RAD23B: variants seen among roughly 807,000 people sequenced by gnomAD.
RAD23B encodes lysine-specific demethylase RAD23B.
A neutral mutation model predicts 49.1 loss-of-function variants in RAD23B; 5 were observed. The ratio of observed to expected loss-of-function variants is 0.10; its 90% CI spans 0.05 to 0.21. The LOEUF (loss-of-function observed/expected upper bound fraction) is 0.21, where lower values mean the gene tolerates loss of function less well. Ranked by LOEUF, RAD23B falls within the 10% of genes least tolerant of loss-of-function variation. The pLI, the probability that RAD23B is intolerant of heterozygous loss-of-function variation, is 1.00. For synonymous variants in RAD23B, 184 were observed against 165.4 expected, an observed-to-expected ratio of 1.11 and a Z score of -0.86; for missense variants, 356 against 486.7, an observed-to-expected ratio of 0.73 and a Z score of 2.53.
chr9:107,304,935 A>ATAT (rs892700202), intron 3 of RAD23B, among the ~76,000 whole-genome samples: 1 of 152,214 alleles, frequency 6.6e-6, no homozygotes, highest in Non-Finnish European at 1.5e-5. Context: ...CAGTGGATTA[A>ATAT]TACATGTTTT....
At chr9:107,319,923 G>A (rs1380784852) in intron 6 of RAD23B, among the ~76,000 whole-genome samples, 6 of 152,194 alleles carry the variant, frequency 3.9e-5, no homozygotes, top group South Asian at 2.1e-4. Context: ...CTGGTGTTTT[G>A]GAGTATTATC....
At chr9:107,299,025 G>A (rs1162951783) in intron 1 of RAD23B, among the ~76,000 whole-genome samples, 1 of 152,058 alleles carries the variant, frequency 6.6e-6, no homozygotes, top group Non-Finnish European at 1.5e-5. Context: ...ACTCTGCTTG[G>A]AGTCATAAGG....
At chr9:107,328,157 C>A (rs1458544359) in intron 9 of RAD23B, among the ~76,000 whole-genome samples, 1 of 152,084 alleles carries the variant, frequency 6.6e-6, no homozygotes, top group African/African-American at 2.4e-5. Context: ...TGGATAAAAC[C>A]CAGATAACAA....
chr9:107,326,334 AGCCAGGCGTGATGGTGGGC>A (rs111782503), intron 9 of RAD23B, among the ~76,000 whole-genome samples: 3,091 of 151,938 alleles, frequency 0.02, 90 homozygotes, highest in African/African-American at 0.068. Context: ...AAAAAAAATT[AGCCAGGCGTGATGGTGGGC>A]GCCTGTAGTC....
intron 9 of RAD23B, among the ~76,000 whole-genome samples, chr9:107,326,829 G>A (rs183582595): frequency 6.6e-6 from 1 of 151,512 alleles, no homozygotes; most frequent in East Asian, 2.0e-4. Flanking sequence ...TAGTAGAGAC[G>A]GGGTTTCAAC....
chr9:107,327,435 AG>A (rs1224163819), intron 9 of RAD23B, among the ~76,000 whole-genome samples: 1 of 152,098 alleles, frequency 6.6e-6, no homozygotes, highest in Non-Finnish European at 1.5e-5. Flanking sequence ...TTTATGCTAT[AG>A]TAGCATCCCA....
Position 107,308,353 on chromosome 9 carries a change from G to A in RAD23B, c.497+1706G>A, listed in dbSNP as rs532399665. Among the ~76,000 whole-genome samples the A allele has an allele frequency of 1.2e-4, 18 of 151,990 alleles. No homozygotes were observed. The South Asian group carries it at 3.5e-3, about 30-fold the overall frequency. ...CCTGTCTCAGCCTCCTGAGTAGCTG[G>A]GATTACAGGCGCATGGCACCATGCC... On this transcript the variant is annotated intron_variant, in intron 4 of 9. Transcript: ENST00000358015.
At chr9:107,294,083 A>G in intron 1 of RAD23B, among the ~76,000 whole-genome samples, 1 of 152,250 alleles carries the variant, frequency 6.6e-6, no homozygotes, top group East Asian at 1.9e-4. Context: ...TGCCACAGAG[A>G]TGCACGGTAG....
intron 7 of RAD23B, among the ~76,000 whole-genome samples, chr9:107,323,408 T>G (rs1251742828): frequency 6.6e-6 from 1 of 152,198 alleles, no homozygotes; most frequent in Non-Finnish European, 1.5e-5. Context: ...TTTAAATATC[T>G]TTTTCTTCTT....
rs1827294181 is a variant in RAD23B, at chr9:107,330,935, G to A, written c.*1279G>A. The A allele has an allele frequency of 6.6e-6, 1 of 152,606 alleles. No homozygotes were observed. The highest frequency in any genetic ancestry group is 2.1e-4 in the South Asian group (1 of 4,834). The allele number at this position is 152,606 out of a possible 1,614,324, so 9.5% of individuals were successfully genotyped here. ...GGATTTTTTCATCTCAGTTTTTTCT[G>A]TGGAATCTCCTTCATTGGCATTGTT... On this transcript the variant is annotated 3_prime_UTR_variant, in exon 10 of 10. Transcript: ENST00000358015. This position sits in a 1 kb window ranked among gnomAD's most constrained non-coding sequence, Gnocchi z 4.4.
At chr9:107,323,171 C>T (rs1487141241) in intron 7 of RAD23B, among the ~76,000 whole-genome samples, 1 of 152,054 alleles carries the variant, frequency 6.6e-6, no homozygotes, top group Non-Finnish European at 1.5e-5. Flanking sequence ...CTGAAAAAGC[C>T]AGAAGTTCTG....
chr9:107,309,102 C>T (rs570099132), intron 4 of RAD23B, among the ~76,000 whole-genome samples: 44 of 152,258 alleles, frequency 2.9e-4, no homozygotes, highest in African/African-American at 1.0e-3. Flanking sequence ...GTGGTTTATT[C>T]GTAGTAGAGA....
At chr9:107,299,481 GA>G (rs1486040501) in intron 1 of RAD23B, among the ~76,000 whole-genome samples, 4 of 152,176 alleles carry the variant, frequency 2.6e-5, no homozygotes, top group Non-Finnish European at 5.9e-5. Flanking sequence ...AAAGGTCATG[GA>G]TTCCAGCTCC....
At chr9:107,299,326 A>G (rs1826600101) in intron 1 of RAD23B, among the ~76,000 whole-genome samples, 1 of 152,230 alleles carries the variant, frequency 6.6e-6, no homozygotes, top group Non-Finnish European at 1.5e-5. Context: ...AAGTAGTTCT[A>G]TAAAGGCAAA....
intron 1 of RAD23B, among the ~76,000 whole-genome samples, chr9:107,290,616 GTAA>G (rs1384327349): frequency 1.3e-5 from 2 of 152,182 alleles, no homozygotes; most frequent in East Asian, 1.9e-4. Flanking sequence ...TAAAATGAGA[GTAA>G]TAATAATTGA....
Position 107,323,872 on chromosome 9 carries a change from T to C in RAD23B, c.818-18T>C, listed in dbSNP as rs1827153794. 6.3e-7 allele frequency: 1 copy of C among 1,592,556 alleles called. No individual in the cohort carries two copies. The highest frequency in any genetic ancestry group is 2.2e-5 in the East Asian group (1 of 44,704). On this transcript the variant is annotated intron_variant, in intron 7 of 9. Transcript: ENST00000358015. ...TGTATTTACTGCTTTTGTTTAGAAA[T>C]GTTTATGTGTATTTTAGGACATCCC...
intron 4 of RAD23B, among the ~76,000 whole-genome samples, chr9:107,308,762 G>A (rs1013143120): frequency 1.3e-5 from 2 of 152,174 alleles, no homozygotes; most frequent in African/African-American, 4.8e-5. Context: ...AGGAATGAGG[G>A]AAACTCAGAA....
In RAD23B at chr9:107,318,661, C is replaced by T; in HGVS notation, c.554-91C>T. ...TCTTTGTATTCCCAGCATAGTAGTTCCTGAAATGTTGTATACATGAATCAA... is the reference window on the plus strand; with the variant it reads ...TCTTTGTATTCCCAGCATAGTAGTTTCTGAAATGTTGTATACATGAATCAA... On this transcript the variant is annotated intron_variant, in intron 5 of 9. Coordinates refer to ENST00000358015, the MANE Select transcript of RAD23B (RefSeq NM_002874.5). The surrounding 1 kb of genome is among the most constrained non-coding windows in gnomAD (Gnocchi z 4.3). 2.3e-6 allele frequency: 3 copies of T among 1,328,406 alleles called. No homozygotes were observed. Among genetic ancestry groups the T allele is most frequent in the Non-Finnish European group, 3.1e-6 (3 of 962,442 alleles). The allele number at this position is 1,328,406 out of a possible 1,614,324, so 82.3% of individuals were successfully genotyped here.
intron 4 of RAD23B, among the ~76,000 whole-genome samples, chr9:107,310,146 G>T (rs1010787269): frequency 6.6e-6 from 1 of 152,074 alleles, no homozygotes; most frequent in South Asian, 2.1e-4. Context: ...TCAGAACAAT[G>T]TGGGGAAAAT....
Sources: allele counts gnomAD v4.1 joint callset (sites outside exome capture counted in the v4.1 genomes callset), GRCh38; gene constraint gnomAD v4.1.1; non-coding constraint Gnocchi (gnomAD v3.1); transcripts MANE v1.5; gene names NCBI Gene and HGNC (gene_info 2026-07-23, HGNC 2026-07-21).